The following KCND2 variants were observed in gnomAD, a reference collection of about 807,000 sequenced individuals.
The protein encoded by KCND2 is potassium voltage-gated channel subfamily D member 2, also known as A-type voltage-gated potassium channel KCND2.
KCND2 carries 16 observed loss-of-function variants against 54.4 expected under a neutral mutation model. The observed-to-expected ratio is 0.29, with a 90% CI of 0.20 to 0.45. The LOEUF (loss-of-function observed/expected upper bound fraction) is 0.45, where lower values mean the gene tolerates loss of function less well. KCND2 is among the 20% of genes least tolerant of loss of function. The probability of loss-of-function intolerance (pLI) is 1.00; values close to 1 mark genes in which losing one functional copy is unlikely to be tolerated. For synonymous variants in KCND2, 317 were observed against 310.7 expected, an observed-to-expected ratio of 1.02 and a Z score of -0.21; for missense variants, 486 against 824.2, an observed-to-expected ratio of 0.59 and a Z score of 5.02.
chr7:120,499,179 C>T (rs556807851), intron 1 of KCND2, among the ~76,000 whole-genome samples: 9 of 152,070 alleles, frequency 5.9e-5, no homozygotes, highest in Non-Finnish European at 8.8e-5. Context: ...AAGAAAACCT[C>T]ATTATATACA....
intron 1 of KCND2, among the ~76,000 whole-genome samples, chr7:120,549,424 C>T (rs1385563202): frequency 6.6e-6 from 1 of 152,082 alleles, no homozygotes; most frequent in Non-Finnish European, 1.5e-5. Flanking sequence ...TGAAGAGAGT[C>T]ATTTTCTCTA....
intron 1 of KCND2, among the ~76,000 whole-genome samples, chr7:120,621,964 T>G (rs1793104640): frequency 6.6e-6 from 1 of 151,782 alleles, no homozygotes; most frequent in Admixed American, 6.6e-5. Flanking sequence ...AAAAAGAAGG[T>G]TTTTTTGTTG....
chr7:120,354,792 CAAAGA>C (rs2116390579), intron 1 of KCND2, among the ~76,000 whole-genome samples: 1 of 151,964 alleles, frequency 6.6e-6, no homozygotes, highest in East Asian at 1.9e-4. Context: ...AAAAGAAAAG[CAAAGA>C]AAAGAAGAAA....
chr7:120,320,316 T>G (rs1037026827), intron 1 of KCND2, among the ~76,000 whole-genome samples: 1 of 152,286 alleles, frequency 6.6e-6, no homozygotes, highest in East Asian at 1.9e-4. Context: ...AGTGTCACTT[T>G]GGTCTAGCCT....
chr7:120,447,708 T>C (rs1328020741), intron 1 of KCND2, among the ~76,000 whole-genome samples: 2 of 152,230 alleles, frequency 1.3e-5, no homozygotes, highest in African/African-American at 4.8e-5. Flanking sequence ...TTTCAGTCTA[T>C]AAATATGACA....
chr7:120,342,805 CAAAT>C (rs1174736782), intron 1 of KCND2, among the ~76,000 whole-genome samples: 2 of 151,960 alleles, frequency 1.3e-5, no homozygotes, highest in African/African-American at 4.8e-5. Context: ...TTCTATTAAA[CAAAT>C]ACTCATGTTG....
chr7:120,508,256 T>C (rs541586183), intron 1 of KCND2, among the ~76,000 whole-genome samples: 2 of 151,964 alleles, frequency 1.3e-5, no homozygotes, highest in Non-Finnish European at 2.9e-5. Flanking sequence ...TTTGCTGATG[T>C]CTAGAGTTTA....
At chr7:120,610,931 C>G (rs542398022) in intron 1 of KCND2, among the ~76,000 whole-genome samples, 19 of 152,288 alleles carry the variant, frequency 1.2e-4, no homozygotes, top group Non-Finnish European at 2.4e-4. Flanking sequence ...TGGCTATTCT[C>G]AGAACAACTC....
At chr7:120,471,735 G>A (rs1355319329) in intron 1 of KCND2, among the ~76,000 whole-genome samples, 1 of 152,044 alleles carries the variant, frequency 6.6e-6, no homozygotes, top group Non-Finnish European at 1.5e-5. Flanking sequence ...CTGTTGGACA[G>A]GATTCTGAAT....
At chr7:120,296,310 T>C (rs1182074628) in intron 1 of KCND2, among the ~76,000 whole-genome samples, 1 of 152,110 alleles carries the variant, frequency 6.6e-6, no homozygotes, top group Non-Finnish European at 1.5e-5. Flanking sequence ...ATACTTCTAA[T>C]TGTGACTTTT....
At chr7:120,601,019 G>A (rs1792807107) in intron 1 of KCND2, among the ~76,000 whole-genome samples, 1 of 151,936 alleles carries the variant, frequency 6.6e-6, no homozygotes, top group Non-Finnish European at 1.5e-5. Context: ...TATCTGATGA[G>A]TCAGATAATA....
intron 1 of KCND2, among the ~76,000 whole-genome samples, chr7:120,677,524 TATATAGATATAG>T (rs1554384942): frequency 1.0e-3 from 133 of 128,976 alleles, no homozygotes; most frequent in Admixed American, 3.2e-3. Flanking sequence ...CAAATATATA[TATATAGATATAG>T]ATATAGATAT....
intron 1 of KCND2, among the ~76,000 whole-genome samples, chr7:120,367,588 T>C (rs144608191): frequency 1.2e-3 from 178 of 151,392 alleles, no homozygotes; most frequent in African/African-American, 3.9e-3. Context: ...AAAGATAATT[T>C]AAACAGGCCC....
chr7:120,533,810 A>G (rs2116368311), intron 1 of KCND2, among the ~76,000 whole-genome samples: 1 of 152,214 alleles, frequency 6.6e-6, no homozygotes, highest in Non-Finnish European at 1.5e-5. Context: ...AATATCAATT[A>G]CATAATATTA....
At chr7:120,671,788 C>T (rs899751245) in intron 1 of KCND2, among the ~76,000 whole-genome samples, 12 of 152,104 alleles carry the variant, frequency 7.9e-5, no homozygotes, top group African/African-American at 2.9e-4. Context: ...TGATCTATTT[C>T]CCCAATTAGA....
At chr7:120,384,648 A>G (rs1247240568) in intron 1 of KCND2, among the ~76,000 whole-genome samples, 1 of 152,176 alleles carries the variant, frequency 6.6e-6, no homozygotes, top group Admixed American at 6.6e-5. Flanking sequence ...TTTTTCTAGA[A>G]CTTTCATTTT....
chr7:120,401,615 T>C (rs555977207), intron 1 of KCND2, among the ~76,000 whole-genome samples: 2 of 152,132 alleles, frequency 1.3e-5, no homozygotes, highest in Admixed American at 1.3e-4. Flanking sequence ...ATTTCATTAT[T>C]AGAAATATTA....
intron 1 of KCND2, among the ~76,000 whole-genome samples, chr7:120,694,810 T>C (rs993446143): frequency 2.0e-5 from 3 of 152,188 alleles, no homozygotes; most frequent in African/African-American, 7.2e-5. Context: ...TACCTGTCTG[T>C]GCAGTGACAC....
chr7:120,579,334 G>C (rs1792482658), intron 1 of KCND2, among the ~76,000 whole-genome samples: 1 of 151,888 alleles, frequency 6.6e-6, no homozygotes, highest in Non-Finnish European at 1.5e-5. Flanking sequence ...TCTGGGCACG[G>C]TGGCTCATGC....
Sources: gnomAD v4.1 joint callset for allele counts (sites outside exome capture counted in the v4.1 genomes callset) on GRCh38, gnomAD v4.1.1 for gene constraint, MANE v1.5 for transcripts, NCBI Gene and HGNC (gene_info 2026-07-23, HGNC 2026-07-21) for gene names.